Variants in KIF16B observed in about 807,000 individuals in gnomAD.
The protein encoded by KIF16B is kinesin-like protein KIF16B.
A neutral mutation model predicts 156.3 loss-of-function variants in KIF16B; 98 were observed. That is an observed-to-expected ratio of 0.63 (90% CI 0.53 to 0.74). The LOEUF (loss-of-function observed/expected upper bound fraction) is 0.74. Among genes scored for constraint, KIF16B ranks in the 30% least tolerant of loss-of-function variants. The pLI, the probability that KIF16B is intolerant of heterozygous loss-of-function variation, is 0.00. For missense variants in KIF16B, 1,421 were observed against 1,606.5 expected (o/e 0.88, Z 1.97); for synonymous variants, 564 against 583.7 (o/e 0.97, Z 0.49).
intron 4 of KIF16B, among the ~76,000 whole-genome samples, chr20:16,514,586 A>G (rs1396267498): frequency 5.7e-5 from 5 of 87,330 alleles, no homozygotes; most frequent in Non-Finnish European, 1.2e-4. Context: ...AAATAAGAAA[A>G]AAAAAAAAAA....
chr20:16,307,052 G>A (rs1044635957), intron 25 of KIF16B, among the ~76,000 whole-genome samples: 3 of 152,174 alleles, frequency 2.0e-5, no homozygotes, highest in Admixed American at 2.0e-4. Context: ...TCAAGCTAAA[G>A]AGATGAAAAT....
chr20:16,334,629 T>C (rs1243169354), intron 24 of KIF16B, among the ~76,000 whole-genome samples: 1 of 152,070 alleles, frequency 6.6e-6, no homozygotes, highest in African/African-American at 2.4e-5. Flanking sequence ...TAGTAGGAGG[T>C]GTTGGATCTT....
intron 14 of KIF16B, among the ~76,000 whole-genome samples, chr20:16,428,247 T>G (rs965455491): frequency 6.6e-6 from 1 of 152,166 alleles, no homozygotes; most frequent in African/African-American, 2.4e-5. Flanking sequence ...AGGAACATAC[T>G]AGGATTGGCT....
chr20:16,536,834 G>A (rs2069985932), intron 1 of KIF16B, among the ~76,000 whole-genome samples: 1 of 152,076 alleles, frequency 6.6e-6, no homozygotes, highest in Non-Finnish European at 1.5e-5. Context: ...TTCATCCACT[G>A]CAGACTCTGG....
At position 16,514,885 on chromosome 20, in the gene KIF16B, C is replaced by CAAA. The variant is rs10564862; in HGVS notation, c.348+660_348+662dup. ...TGGGCGACGGAGTGAGATTCCATCT[C>CAAA]AAAAAAAAAAAAAAAAAAAAAAAAA... On this transcript the variant is annotated intron_variant, in intron 4 of 25. Transcript: ENST00000354981. 6.6e-4 allele frequency among the ~76,000 whole-genome samples: 40 copies of CAAA among 60,744 alleles called. 2 individuals carry two copies. The highest frequency in any genetic ancestry group is 1.5e-3 in the South Asian group (3 of 1,940). 39.9% of individuals were successfully genotyped at this position (60,744 alleles called of 152,430 possible).
At chr20:16,286,026 C>T (rs534123066) in intron 25 of KIF16B, among the ~76,000 whole-genome samples, 6 of 152,324 alleles carry the variant, frequency 3.9e-5, no homozygotes, top group East Asian at 1.9e-4. Flanking sequence ...TTAATGAACA[C>T]GTAGGCTGTT....
At chr20:16,278,783 C>G (rs554077046) in intron 25 of KIF16B, among the ~76,000 whole-genome samples, 1 of 152,176 alleles carries the variant, frequency 6.6e-6, no homozygotes, top group Non-Finnish European at 1.5e-5. Context: ...GACTCAGGCT[C>G]CTGCCTGCTA....
At chr20:16,423,715 A>G (rs986423095) in intron 15 of KIF16B, among the ~76,000 whole-genome samples, 1 of 152,144 alleles carries the variant, frequency 6.6e-6, no homozygotes, top group Admixed American at 6.6e-5. Context: ...GTCCGTCATC[A>G]TAACTCTGTA....
intron 24 of KIF16B, among the ~76,000 whole-genome samples, chr20:16,318,324 A>G (rs2063726790): frequency 6.6e-6 from 1 of 152,240 alleles, no homozygotes; most frequent in Non-Finnish European, 1.5e-5. Flanking sequence ...CAGAGAATAA[A>G]TAGTCACGTA....
intron 1 of KIF16B, among the ~76,000 whole-genome samples, chr20:16,562,512 G>C (rs1326579856): frequency 6.6e-6 from 1 of 152,148 alleles, no homozygotes; most frequent in African/African-American, 2.4e-5. Context: ...CAAACGCCGT[G>C]ACTACGGATC....
At chr20:16,280,737 C>T (rs184247445) in intron 25 of KIF16B, among the ~76,000 whole-genome samples, 30 of 152,278 alleles carry the variant, frequency 2.0e-4, no homozygotes, top group African/African-American at 6.3e-4. Flanking sequence ...GGTTCAAGCC[C>T]GTAAGCCTGA....
At chr20:16,366,235 G>A (rs67813233) in intron 22 of KIF16B, among the ~76,000 whole-genome samples, 4,918 of 152,162 alleles carry the variant, frequency 0.032, 77 homozygotes, top group African/African-American at 0.041. Context: ...CCTGAGAAGG[G>A]AGGCCAGCAA....
chr20:16,509,629 A>G (rs1046170082), intron 6 of KIF16B, among the ~76,000 whole-genome samples: 6 of 152,210 alleles, frequency 3.9e-5, no homozygotes, highest in Admixed American at 3.9e-4. Flanking sequence ...CAAACAGCCT[A>G]GTCATACATA....
At chr20:16,469,740 C>T (rs1471744266) in intron 12 of KIF16B, among the ~76,000 whole-genome samples, 3 of 152,122 alleles carry the variant, frequency 2.0e-5, no homozygotes, top group Non-Finnish European at 4.4e-5. Flanking sequence ...CAAAGTGGCA[C>T]AGTCACTTTG....
intron 1 of KIF16B, among the ~76,000 whole-genome samples, chr20:16,530,449 C>T (rs889865296): frequency 1.3e-5 from 2 of 152,252 alleles, no homozygotes; most frequent in African/African-American, 2.4e-5. Flanking sequence ...AAGTCAGGGA[C>T]GACAGAGTGA....
chr20:16,410,740 A>T (rs1264179684), intron 15 of KIF16B, among the ~76,000 whole-genome samples: 5 of 152,106 alleles, frequency 3.3e-5, no homozygotes. Flanking sequence ...TCACCTGGTG[A>T]TCCATGTCTT....
intron 1 of KIF16B, among the ~76,000 whole-genome samples, chr20:16,570,104 C>T (rs1035583821): frequency 6.6e-6 from 1 of 152,142 alleles, no homozygotes; most frequent in Non-Finnish European, 1.5e-5. Context: ...CTTTTTAAGA[C>T]TTGCATAATA....
At chr20:16,519,999 C>T (rs75285291) in intron 3 of KIF16B, among the ~76,000 whole-genome samples, 4,109 of 152,272 alleles carry the variant, frequency 0.027, 164 homozygotes, top group African/African-American at 0.092. Flanking sequence ...CCAAATATTA[C>T]GCTTTTCCCA....
intron 3 of KIF16B, among the ~76,000 whole-genome samples, chr20:16,521,435 C>T (rs1183283337): frequency 1.3e-5 from 2 of 151,550 alleles, no homozygotes; most frequent in East Asian, 2.0e-4. Flanking sequence ...TGAAGAACAA[C>T]TTAATGAAAT....
Sources: allele counts gnomAD v4.1 joint callset (sites outside exome capture counted in the v4.1 genomes callset), GRCh38; gene constraint gnomAD v4.1.1; transcripts MANE v1.5; gene names NCBI Gene and HGNC (gene_info 2026-07-23, HGNC 2026-07-21).